The following LRRTM4 variants were observed in gnomAD, a reference collection of about 807,000 sequenced individuals.
LRRTM4 encodes the protein leucine-rich repeat transmembrane neuronal protein 4.
In LRRTM4, 25 loss-of-function variants were observed where a neutral mutation model predicts 47.6. The observed-to-expected ratio is 0.53, with a 90% CI of 0.38 to 0.73. LRRTM4 has a LOEUF of 0.73. LRRTM4 is among the 30% of genes least tolerant of loss of function. The probability of loss-of-function intolerance (pLI) is 0.00; values close to 1 mark genes in which losing one functional copy is unlikely to be tolerated. For synonymous variants in LRRTM4, 311 were observed against 269.5 expected, an observed-to-expected ratio of 1.15 and a Z score of -1.51; for missense variants, 638 against 713.4, an observed-to-expected ratio of 0.89 and a Z score of 1.20.
intron 3 of LRRTM4, among the ~76,000 whole-genome samples, chr2:77,281,820 A>G: frequency 6.6e-6 from 1 of 151,914 alleles, no homozygotes; most frequent in East Asian, 1.9e-4. Flanking sequence ...GAGAAAGTAC[A>G]CAAAAATAAA....
At chr2:77,091,134 C>T (rs1025151880) in intron 3 of LRRTM4, among the ~76,000 whole-genome samples, 407 of 139,874 alleles carry the variant, frequency 2.9e-3, no homozygotes, top group African/African-American at 7.8e-3. Flanking sequence ...CCTTATTAGG[C>T]TGAGACACTT....
intron 3 of LRRTM4, among the ~76,000 whole-genome samples, chr2:77,477,903 AAAAGAAAGAAAGAAAG>A (rs70956633): frequency 0.047 from 5,135 of 109,804 alleles, 179 homozygotes; most frequent in African/African-American, 0.059. Flanking sequence ...AAAAGAAAGA[AAAAGAAAGAAAGAAAG>A]AAAGAAAGAA....
At chr2:77,442,236 A>G (rs1675872451) in intron 3 of LRRTM4, among the ~76,000 whole-genome samples, 1 of 152,202 alleles carries the variant, frequency 6.6e-6, no homozygotes, top group East Asian at 1.9e-4. Context: ...ACATCATTAT[A>G]TAAATGAATG....
At chr2:76,859,529 T>C (rs2104002655) in intron 3 of LRRTM4, among the ~76,000 whole-genome samples, 1 of 152,296 alleles carries the variant, frequency 6.6e-6, no homozygotes, top group Admixed American at 6.5e-5. Context: ...CATAGTTGAA[T>C]TTAGAAGTCA....
intron 3 of LRRTM4, among the ~76,000 whole-genome samples, chr2:76,836,224 A>C (rs1462026841): frequency 6.6e-6 from 1 of 151,706 alleles, no homozygotes; most frequent in East Asian, 1.9e-4. Context: ...TGTCAGTAGA[A>C]TATTAGTATA....
intron 3 of LRRTM4, among the ~76,000 whole-genome samples, chr2:77,465,431 CTG>C (rs1314074340): frequency 6.6e-6 from 1 of 151,998 alleles, no homozygotes; most frequent in African/African-American, 2.4e-5. Context: ...TTCATTTTTC[CTG>C]TAGGGAGAAA....
chr2:76,935,915 G>C (rs183212230), intron 3 of LRRTM4, among the ~76,000 whole-genome samples: 7 of 152,174 alleles, frequency 4.6e-5, no homozygotes, highest in Admixed American at 6.5e-5. Flanking sequence ...TTCTTTTCTT[G>C]TGCCAGTTTT....
At chr2:77,429,795 G>A (rs765068518) in intron 3 of LRRTM4, among the ~76,000 whole-genome samples, 1 of 152,184 alleles carries the variant, frequency 6.6e-6, no homozygotes, top group African/African-American at 2.4e-5. Flanking sequence ...GCCAGGTGGG[G>A]TGTCTCATGC....
At chr2:77,177,312 A>G (rs1159651550) in intron 3 of LRRTM4, among the ~76,000 whole-genome samples, 2 of 152,214 alleles carry the variant, frequency 1.3e-5, no homozygotes, top group Non-Finnish European at 2.9e-5. Flanking sequence ...AGTCATCTGC[A>G]CTAGATTCAT....
chr2:77,048,962 C>G (rs752039763), intron 3 of LRRTM4, among the ~76,000 whole-genome samples: 30 of 151,462 alleles, frequency 2.0e-4, no homozygotes, highest in Non-Finnish European at 3.7e-4. Context: ...CCACTCTACT[C>G]TCTATTAGTA....
At chr2:76,869,085 C>A (rs1297504124) in intron 3 of LRRTM4, among the ~76,000 whole-genome samples, 1 of 151,982 alleles carries the variant, frequency 6.6e-6, no homozygotes, top group African/African-American at 2.4e-5. Context: ...CCGAGGTGAG[C>A]AGATCACGAG....
intron 3 of LRRTM4, among the ~76,000 whole-genome samples, chr2:76,899,352 C>CAT (rs10588850): frequency 8.6e-4 from 83 of 96,566 alleles, no homozygotes; most frequent in African/African-American, 1.2e-3. Flanking sequence ...CACACACACA[C>CAT]ATATATATAT....
chr2:77,521,317 G>A (rs1219859552), intron 2 of LRRTM4, among the ~76,000 whole-genome samples: 1 of 151,986 alleles, frequency 6.6e-6, no homozygotes, highest in Non-Finnish European at 1.5e-5. Flanking sequence ...CATCCTGACA[G>A]CTACCAGAAA....
chr2:76,902,753 G>A (rs939152073), intron 3 of LRRTM4, among the ~76,000 whole-genome samples: 2 of 152,096 alleles, frequency 1.3e-5, no homozygotes, highest in African/African-American at 4.8e-5. Flanking sequence ...TTTTCACTGA[G>A]CACTTGTCTA....
At chr2:76,882,106 G>A (rs921874577) in intron 3 of LRRTM4, among the ~76,000 whole-genome samples, 18 of 151,876 alleles carry the variant, frequency 1.2e-4, no homozygotes, top group African/African-American at 3.4e-4. Flanking sequence ...TGTAACTTCC[G>A]TTCAGAAGTT....
chr2:77,430,059 G>C (rs973423796), intron 3 of LRRTM4, among the ~76,000 whole-genome samples: 2 of 151,590 alleles, frequency 1.3e-5, no homozygotes, highest in African/African-American at 4.9e-5. Context: ...GCAGAGTAAG[G>C]CTGTGTCTCA....
chr2:77,183,094 T>C (rs572189268), intron 3 of LRRTM4, among the ~76,000 whole-genome samples: 60 of 152,140 alleles, frequency 3.9e-4, no homozygotes, highest in Non-Finnish European at 6.8e-4. Context: ...GGGATCTAAT[T>C]AAACTAAAGA....
At chr2:77,455,974 C>T (rs550144359) in intron 3 of LRRTM4, among the ~76,000 whole-genome samples, 1 of 152,180 alleles carries the variant, frequency 6.6e-6, no homozygotes, top group East Asian at 1.9e-4. Context: ...TGTTTCATGA[C>T]CCCACTTATT....
chr2:77,040,256 CAT>C (rs147547351), intron 3 of LRRTM4, among the ~76,000 whole-genome samples: 6 of 150,720 alleles, frequency 4.0e-5, no homozygotes, highest in African/African-American at 9.7e-5. Flanking sequence ...TGTTCTACAA[CAT>C]ATATATATAT....
Sources: allele counts gnomAD v4.1 joint callset (sites outside exome capture counted in the v4.1 genomes callset), GRCh38; gene constraint gnomAD v4.1.1; transcripts MANE v1.5; gene names NCBI Gene and HGNC (gene_info 2026-07-23, HGNC 2026-07-21).